Variants in FLNB observed in about 807,000 individuals in gnomAD.
The protein encoded by FLNB is filamin-B.
In FLNB, 111 loss-of-function variants were observed where a neutral mutation model predicts 250.6. That is an observed-to-expected ratio of 0.44 (90% CI 0.38 to 0.52). FLNB has a LOEUF of 0.52. FLNB is among the 20% of genes least tolerant of loss of function. The pLI, the probability that FLNB is intolerant of heterozygous loss-of-function variation, is 0.00. For missense variants in FLNB, 2,869 were observed against 3,447.8 expected, an observed-to-expected ratio of 0.83 and a Z score of 4.20; for synonymous variants, 1,302 against 1,372.1, an observed-to-expected ratio of 0.95 and a Z score of 1.13.
intron 24 of FLNB, among the ~76,000 whole-genome samples, chr3:58,127,149 C>T (rs1477865535): frequency 1.3e-5 from 2 of 151,976 alleles, no homozygotes; most frequent in Admixed American, 6.6e-5. Context: ...ATGGGGAATC[C>T]CCATCTTTAC....
intron 1 of FLNB, among the ~76,000 whole-genome samples, chr3:58,015,131 G>A (rs537354515): frequency 8.5e-5 from 13 of 152,296 alleles, no homozygotes; most frequent in Middle Eastern, 3.4e-3. Flanking sequence ...ATTCTAATCC[G>A]CACTCTGCCT....
At chr3:58,150,389 AT>A (rs2097342946) in intron 38 of FLNB, 162 bp downstream of exon 38, 1 of 781,936 alleles carries the variant, frequency 1.3e-6, no homozygotes, top group South Asian at 1.6e-5. Context: ...TTCTATGTTT[AT>A]TTTCACAGAG....
intron 42 of FLNB, among the ~76,000 whole-genome samples, chr3:58,160,175 C>T (rs72884434): frequency 0.024 from 3,578 of 152,242 alleles, 141 homozygotes; most frequent in African/African-American, 0.082. Context: ...CAACATCTTA[C>T]AGATTTTTAT....
rs545121677 is a variant in FLNB at position 58,141,605 on chromosome 3, T to A, written c.5110-253T>A. Among the ~76,000 whole-genome samples the A allele has an allele frequency of 2.0e-5, 3 of 152,282 alleles. No individual in the cohort carries two copies. In the South Asian group the frequency reaches 6.2e-4, roughly 32 times the overall value. Reference sequence around the variant, plus strand: ...AAGGTCCTTACACACATCAATTAACTATGGAGTCTCCCGCCAGCTTAGGTC... The same window carrying A: ...AAGGTCCTTACACACATCAATTAACAATGGAGTCTCCCGCCAGCTTAGGTC... On this transcript the variant is annotated intron_variant, in intron 29 of 45. Coordinates refer to ENST00000295956, the MANE Select transcript of FLNB (RefSeq NM_001457.4).
At position 58,094,778 on chromosome 3, in the gene FLNB, G is replaced by A. The variant is rs7644723; in HGVS notation, c.788-58G>A. ...GTTCCCTGAAAGAGATGCAGTGGGCGATGGCTCATGACACACCCTCGCCTG... is the reference window on the plus strand; with the variant it reads ...GTTCCCTGAAAGAGATGCAGTGGGCAATGGCTCATGACACACCCTCGCCTG... On this transcript the variant is annotated intron_variant, in intron 4 of 45. Coordinates refer to ENST00000295956, the MANE Select transcript of FLNB (RefSeq NM_001457.4). 1.2e-4 allele frequency: 174 copies of A among 1,400,694 alleles called. No individual in the cohort carries two copies. The African/African-American group carries it at 2.1e-3, about 17-fold the overall frequency. 86.8% of individuals were successfully genotyped at this position (1,400,694 alleles called of 1,614,324 possible). A position where few individuals can be genotyped will look rare whatever the true frequency, so the allele number is the denominator to read the frequency against.
In FLNB at chr3:58,112,920, C is replaced by G. The variant is rs149831807; in HGVS notation, c.2745+602C>G. On this transcript the variant is annotated intron_variant, in intron 18 of 45. Transcript: ENST00000295956. ...CAAAATGCAGGATTTCACATGTGAT[C>G]TTACCATCTAGGCTGGCTTACTCTG... Among the ~76,000 whole-genome samples the G allele has an allele frequency of 5.9e-5, 9 of 152,294 alleles. No individual in the cohort carries two copies. The East Asian group carries it at 1.7e-3, about 29-fold the overall frequency.
rs2097381454 is a variant in FLNB at position 58,170,817 on chromosome 3, T to C, written c.*55T>C. On this transcript the variant is annotated 3_prime_UTR_variant, in exon 46 of 46. Coordinates refer to ENST00000295956, the MANE Select transcript of FLNB (RefSeq NM_001457.4). ...CTTGTGGTTGCTTTTGTTGCTTGTTTGTAATTCATTTTATACAAAGCCCTC... is the reference window on the plus strand; with the variant it reads ...CTTGTGGTTGCTTTTGTTGCTTGTTCGTAATTCATTTTATACAAAGCCCTC... The C allele has an allele frequency of 3.3e-6, 5 of 1,529,346 alleles. No homozygotes were observed. The South Asian group carries it at 4.6e-5, about 14-fold the overall frequency. 94.7% of individuals were successfully genotyped at this position (1,529,346 alleles called of 1,614,324 possible). A position where few individuals can be genotyped will look rare whatever the true frequency, so the allele number is the denominator to read the frequency against.
intron 24 of FLNB, among the ~76,000 whole-genome samples, chr3:58,127,935 C>T (rs1020784656): frequency 6.6e-6 from 1 of 152,094 alleles, no homozygotes; most frequent in African/African-American, 2.4e-5. Flanking sequence ...GAGACCACCT[C>T]CCCCGCCCCC....
chr3:58,147,194 C>A (rs373438797), intron 34 of FLNB, among the ~76,000 whole-genome samples: 10 of 152,194 alleles, frequency 6.6e-5, no homozygotes, highest in Non-Finnish European at 1.3e-4. Context: ...CAGGAAAATG[C>A]GAGAGCTAGT....
intron 20 of FLNB, among the ~76,000 whole-genome samples, chr3:58,122,104 G>A (rs1455953483): frequency 6.8e-6 from 1 of 146,344 alleles, no homozygotes; most frequent in African/African-American, 2.6e-5. Context: ...GGGAGGCGGA[G>A]CTTGCAGTGA....
Position 58,123,639 on chromosome 3 carries a change from G to A in FLNB, c.3673G>A (p.Ala1225Thr), listed in dbSNP as rs371610564. The A allele has an allele frequency of 3.0e-5, 49 of 1,611,298 alleles. No homozygotes were observed. The highest frequency in any genetic ancestry group is 2.6e-4 in the African/African-American group (19 of 74,356). The change falls in exon 21 of 46, where the codon GCC becomes ACC. Residue 1225 changes from alanine to threonine, a missense_variant. Transcript: ENST00000295956. ...HFPARVKVEP[A>T]VDTSRIKVFG... ...CCCCGCCCGGGTCAAGGTGGAGCCC[G>A]CCGTGGACACCAGCAGGATCAAAGT...
intron 1 of FLNB, among the ~76,000 whole-genome samples, chr3:58,071,161 A>G (rs546485330): frequency 1.5e-3 from 221 of 151,584 alleles, no homozygotes; most frequent in Middle Eastern, 0.01. Context: ...TATGTTGCCC[A>G]GGCTCTGGTC....
At chr3:58,138,205 G>A in intron 28 of FLNB, 77 bp from the exon 29 acceptor site, 1 of 1,593,244 alleles carries the variant, frequency 6.3e-7, no homozygotes, top group East Asian at 2.2e-5. Context: ...CAGACAACAT[G>A]GATGGGTATG....
intron 1 of FLNB, among the ~76,000 whole-genome samples, chr3:58,055,313 A>T (rs2097168757): frequency 6.6e-6 from 1 of 151,744 alleles, no homozygotes; most frequent in Non-Finnish European, 1.5e-5. Flanking sequence ...AAGTTTGCTG[A>T]CCTCTTCTGT....
intron 38 of FLNB, chr3:58,150,590 T>C (rs984880833): frequency 6.6e-5 from 22 of 334,008 alleles, no homozygotes; most frequent in African/African-American, 4.5e-4. Context: ...ATTTAAGAGG[T>C]GGCAGCCCAG....
At chr3:58,018,635 C>A (rs985321685) in intron 1 of FLNB, among the ~76,000 whole-genome samples, 2 of 152,074 alleles carry the variant, frequency 1.3e-5, no homozygotes, top group African/African-American at 2.4e-5. Context: ...CCTGCCTCAA[C>A]CTCTCCAGTA....
intron 1 of FLNB, among the ~76,000 whole-genome samples, 195 bp from the exon 2 acceptor site, chr3:58,076,851 G>A (rs548656556): frequency 6.6e-6 from 1 of 152,236 alleles, no homozygotes; most frequent in East Asian, 1.9e-4. Context: ...ATCCGTTAAT[G>A]GCATTTTGGA....
At chr3:58,094,440 G>A (rs554496270) in intron 4 of FLNB, among the ~76,000 whole-genome samples, 1 of 151,324 alleles carries the variant, frequency 6.6e-6, no homozygotes, top group East Asian at 1.9e-4. Context: ...AAATAAAAAG[G>A]TTAATTAAAA....
chr3:58,037,119 C>T (rs1576616861), intron 1 of FLNB, among the ~76,000 whole-genome samples: 2 of 134,554 alleles, frequency 1.5e-5, no homozygotes, highest in South Asian at 5.0e-4. Flanking sequence ...GGCTGGAGTG[C>T]AGTGGCACCA....
Sources: allele counts gnomAD v4.1 joint callset (sites outside exome capture counted in the v4.1 genomes callset), GRCh38; gene constraint gnomAD v4.1.1; transcripts MANE v1.5; gene names NCBI Gene and HGNC (gene_info 2026-07-23, HGNC 2026-07-21).